FAM81A: variants seen among roughly 807,000 people sequenced by gnomAD.
FAM81A encodes the protein family with sequence similarity 81 member A.
In FAM81A, 19 loss-of-function variants were observed where a neutral mutation model predicts 46.7. That is an observed-to-expected ratio of 0.41 (90% CI 0.28 to 0.60). FAM81A has a LOEUF of 0.60. Among genes scored for constraint, FAM81A ranks in the 20% least tolerant of loss-of-function variants. The probability of loss-of-function intolerance (pLI) is 0.34; values close to 1 mark genes in which losing one functional copy is unlikely to be tolerated. For synonymous variants in FAM81A, 183 were observed against 152.9 expected (o/e 1.20, Z -1.45); for missense variants, 377 against 453.5 (o/e 0.83, Z 1.53).
upstream of FAM81A, among the ~76,000 whole-genome samples, chr15:59,437,270 G>A (rs1041334646): frequency 3.9e-5 from 6 of 152,232 alleles, no homozygotes; most frequent in African/African-American, 1.2e-4. Flanking sequence ...AGGCTGGGGC[G>A]GGGTGGGGGA....
Position 59,521,448 on chromosome 15 carries a change from A to T in FAM81A, c.*70A>T, listed in dbSNP as rs1446728116. The T allele has an allele frequency of 1.3e-6, 2 of 1,507,060 alleles. No homozygotes were observed. Among genetic ancestry groups the T allele is most frequent in the Non-Finnish European group, 1.8e-6 (2 of 1,123,778 alleles). 93.4% of individuals were successfully genotyped at this position (1,507,060 alleles called of 1,614,324 possible). On this transcript the variant is annotated 3_prime_UTR_variant, in exon 9 of 9. Transcript: ENST00000288228. ...CTAGGAGCCGGATACCTCTGTAGCC[A>T]GGCCATCGCTGCATTCAGGATTGTT...
Position 59,460,460 on chromosome 15 carries a change from T to G in FAM81A, c.294+254T>G, listed in dbSNP as rs1596488895. On this transcript the variant is annotated intron_variant, in intron 3 of 8. Coordinates refer to ENST00000288228, the MANE Select transcript of FAM81A (RefSeq NM_152450.3). This position sits in a 1 kb window ranked among gnomAD's most constrained non-coding sequence, Gnocchi z 4.4. ...ATTTACCTTGCTGATTATTAAATGA[T>G]TTTATTTTGTTTGGCTCTTAATGAA... 5.4e-6 allele frequency: 3 copies of G among 551,646 alleles called. No individual in the cohort carries two copies. The East Asian group carries it at 1.0e-4, about 19-fold the overall frequency. 34.2% of individuals were successfully genotyped at this position (551,646 alleles called of 1,614,324 possible).
At chr15:59,478,105 C>G (rs2081796431) in intron 3 of FAM81A, among the ~76,000 whole-genome samples, 1 of 152,134 alleles carries the variant, frequency 6.6e-6, no homozygotes, top group Non-Finnish European at 1.5e-5. Context: ...CCTTTCCATG[C>G]CAGTTTGATG....
intron 3 of FAM81A, among the ~76,000 whole-genome samples, chr15:59,468,325 A>G (rs533456907): frequency 4.6e-5 from 7 of 152,100 alleles, no homozygotes; most frequent in Non-Finnish European, 8.8e-5. Context: ...TCGGCTGTGA[A>G]TCCGTCTGGT....
rs2082245213 is a variant in FAM81A at position 59,514,356 on chromosome 15, C to A, written c.718C>A (p.Gln240Lys). 1.9e-6 allele frequency: 3 copies of A among 1,613,328 alleles called. No homozygotes were observed. The highest frequency in any genetic ancestry group is 2.5e-6 in the Non-Finnish European group (3 of 1,179,752). Residue 240 changes from glutamine to lysine, a missense_variant, in exon 7 of 9, where the codon CAA becomes AAA. Gln to Lys is a moderately conservative substitution (Grantham distance 53). Coordinates refer to ENST00000288228, the MANE Select transcript of FAM81A (RefSeq NM_152450.3). ...TGCACGGAGTTGGTTGCAACAGGAA[C>A]AAGAACGGATAGAAAAAGAGCTTTT... is the stretch of plus-strand genomic sequence containing the variant. The part of the protein sequence containing the change: ...LSARSWLQQE[Q>K]ERIEKELLQK...
chr15:59,446,979 C>T (rs986622763), intron 1 of FAM81A, among the ~76,000 whole-genome samples: 11 of 152,172 alleles, frequency 7.2e-5, no homozygotes, highest in African/African-American at 2.7e-4. Context: ...TATTGTCATT[C>T]ACTGGTTCAT....
At chr15:59,447,285 G>A (rs1285553452) in intron 1 of FAM81A, among the ~76,000 whole-genome samples, 1 of 152,182 alleles carries the variant, frequency 6.6e-6, no homozygotes, top group African/African-American at 2.4e-5. Flanking sequence ...TTGGCCTAAG[G>A]ACAGATATTT....
At chr15:59,463,292 A>G (rs2081574708) in intron 3 of FAM81A, among the ~76,000 whole-genome samples, 3 of 152,186 alleles carry the variant, frequency 2.0e-5, no homozygotes, top group Admixed American at 2.0e-4. Flanking sequence ...TTGAACATAA[A>G]ATATAACGGT....
At position 59,521,528 on chromosome 15, in the gene FAM81A, C is replaced by A; in HGVS notation, c.*150C>A. 1.3e-6 allele frequency: 1 copy of A among 790,846 alleles called. No homozygotes were observed. Among genetic ancestry groups the A allele is most frequent in the Non-Finnish European group, 1.8e-6 (1 of 560,068 alleles). 49.0% of individuals were successfully genotyped at this position (790,846 alleles called of 1,614,324 possible). On this transcript the variant is annotated 3_prime_UTR_variant, in exon 9 of 9. Transcript: ENST00000288228. ...GTGTTTTTATGGGTCTAAATGTTTA[C>A]CTTGAGTCTTGAAAATACTCTTTTG...
At chr15:59,448,052 G>A (rs188380050) in intron 1 of FAM81A, among the ~76,000 whole-genome samples, 4 of 152,236 alleles carry the variant, frequency 2.6e-5, no homozygotes, top group Non-Finnish European at 5.9e-5. Context: ...TGGTAATGGT[G>A]GCAGTGGTAG....
At chr15:59,454,309 C>T (rs193111610) in intron 1 of FAM81A, among the ~76,000 whole-genome samples, 339 of 152,120 alleles carry the variant, frequency 2.2e-3, no homozygotes, top group African/African-American at 7.7e-3. Flanking sequence ...TGGTATTCAA[C>T]TCTTTAGTAA....
rs1327142842 is a variant in FAM81A, at chr15:59,521,335, A to G, written c.1064A>G (p.Gln355Arg). Residue 355 changes from glutamine (Q) to arginine (R), a missense_variant, in exon 9 of 9, where the codon CAG becomes CGG. Physicochemically the swap from Gln to Arg is conservative, Grantham distance 43. Transcript: ENST00000288228. ...AKMKLDRDQL[Q>R]KQIQLMQKPE... is the part of the protein sequence containing the mutation. ...ATGAAGCTGGACAGGGACCAGCTAC[A>G]GAAGCAAATCCAGCTGATGCAGAAG... is the stretch of plus-strand genomic sequence containing the variant. 1.2e-6 allele frequency: 2 copies of G among 1,613,526 alleles called. No homozygotes were observed. Among genetic ancestry groups the G allele is most frequent in the Admixed American group, 1.7e-5 (1 of 59,934 alleles).
At position 59,514,377 on chromosome 15, in the gene FAM81A, C is replaced by G; in HGVS notation, c.739C>G (p.Leu247Val). Reference protein sequence around the residue: ...QQEQERIEKELLQKIDQLSLI... With the variant: ...QQEQERIEKEVLQKIDQLSLI... ...GGAACAAGAACGGATAGAAAAAGAG[C>G]TTTTACAGAAAATTGATCAGCTTTC... Residue 247 changes from leucine to valine, a missense_variant, in exon 7 of 9, where the codon CTT becomes GTT. Leu to Val is a conservative substitution (Grantham distance 32). Transcript: ENST00000288228. 6.2e-7 allele frequency: 1 copy of G among 1,613,448 alleles called. No homozygotes were observed. Among genetic ancestry groups the G allele is most frequent in the African/African-American group, 1.3e-5 (1 of 74,944 alleles).
chr15:59,465,744 G>A (rs1014635413), intron 3 of FAM81A, among the ~76,000 whole-genome samples: 12 of 151,834 alleles, frequency 7.9e-5, no homozygotes, highest in South Asian at 2.1e-4. Context: ...TGCGCACAAC[G>A]TGCAGGTTTG....
At chr15:59,438,793 C>A (rs927713441) in intron 1 of FAM81A, among the ~76,000 whole-genome samples, 1 of 152,120 alleles carries the variant, frequency 6.6e-6, no homozygotes, top group South Asian at 2.1e-4. Context: ...CAAAGCTTAA[C>A]CATGTTTATT....
chr15:59,467,970 G>A (rs1444038954), intron 3 of FAM81A, among the ~76,000 whole-genome samples: 1 of 152,176 alleles, frequency 6.6e-6, no homozygotes, highest in East Asian at 1.9e-4. Flanking sequence ...AGATAATCAT[G>A]TGGGTTTTGT....
At chr15:59,505,841 T>C (rs537738940) in intron 4 of FAM81A, among the ~76,000 whole-genome samples, 1 of 152,216 alleles carries the variant, frequency 6.6e-6, no homozygotes, top group Non-Finnish European at 1.5e-5. Context: ...TTAAGAATGA[T>C]CCATTTATGT....
chr15:59,464,858 T>C (rs1435656360), intron 3 of FAM81A, among the ~76,000 whole-genome samples: 1 of 152,234 alleles, frequency 6.6e-6, no homozygotes, highest in Non-Finnish European at 1.5e-5. Context: ...TTGTCTGTGC[T>C]TTTGAGGTCT....
At chr15:59,464,296 T>A (rs1434200172) in intron 3 of FAM81A, among the ~76,000 whole-genome samples, 16 of 152,248 alleles carry the variant, frequency 1.1e-4, no homozygotes, top group African/African-American at 3.6e-4. Flanking sequence ...AAGATGTCTC[T>A]TCAATATACT....
Sources: gnomAD v4.1 joint callset for allele counts (sites outside exome capture counted in the v4.1 genomes callset) on GRCh38, gnomAD v4.1.1 for gene constraint, Gnocchi (gnomAD v3.1) non-coding constraint, MANE v1.5 for transcripts, NCBI Gene and HGNC (gene_info 2026-07-23, HGNC 2026-07-21) for gene names.